POFUT2: variants seen among roughly 807,000 people sequenced by gnomAD.
POFUT2 encodes the protein protein O-fucosyltransferase 2.
A neutral mutation model predicts 55.0 loss-of-function variants in POFUT2; 30 were observed. The ratio of observed to expected loss-of-function variants is 0.55; its 90% CI spans 0.41 to 0.74. The LOEUF (loss-of-function observed/expected upper bound fraction) is 0.74, where lower values mean the gene tolerates loss of function less well. Ranked by LOEUF, POFUT2 falls within the 30% of genes least tolerant of loss-of-function variation. The probability of loss-of-function intolerance (pLI) is 0.00; values close to 1 mark genes in which losing one functional copy is unlikely to be tolerated. For missense variants in POFUT2, 524 were observed against 562.6 expected, an observed-to-expected ratio of 0.93 and a Z score of 0.69; for synonymous variants, 267 against 231.1, an observed-to-expected ratio of 1.16 and a Z score of -1.41.
At position 45,285,772 on chromosome 21, in the gene POFUT2, G is replaced by A. The variant is rs1379470508; in HGVS notation, c.288C>T (p.Asp96=). 7 of 1,613,662 alleles carry A rather than the reference G, an allele frequency of 4.3e-6. No homozygotes were observed. The highest frequency in any genetic ancestry group is 5.9e-6 in the Non-Finnish European group (7 of 1,179,984). ...ACCAGGGAATCCGGACCTGGTGGAT[G>A]TCAGGACTCTGCCAGTGATAGAGGC... ...WGRLYHWQSP[D]IHQVRIPWSE... Residue 96 remains aspartate (D), a synonymous_variant, in exon 2 of 9, where the codon GAC becomes GAT. Transcript: ENST00000349485. The surrounding 1 kb of genome is among the most constrained non-coding windows in gnomAD (Gnocchi z 4.9).
rs1307348379 is a variant in POFUT2, at chr21:45,270,292, G to A, written c.832-273C>T. On this transcript the variant is annotated intron_variant, in intron 6 of 8. Coordinates refer to ENST00000349485, the MANE Select transcript of POFUT2 (RefSeq NM_133635.6). This position sits in a 1 kb window ranked among gnomAD's most constrained non-coding sequence, Gnocchi z 4.6. ...AAGAGAACAGCATGTGGAGGCTCACGCTGTGAACTTTTCCTCCGAGAACCA... is the reference window on the plus strand; with the variant it reads ...AAGAGAACAGCATGTGGAGGCTCACACTGTGAACTTTTCCTCCGAGAACCA... Among the ~76,000 whole-genome samples the A allele has an allele frequency of 2.0e-5, 3 of 152,140 alleles. No homozygotes were observed. Among genetic ancestry groups the A allele is most frequent in the Non-Finnish European group, 2.9e-5 (2 of 68,010 alleles).
At position 45,286,130 on chromosome 21, in the gene POFUT2, C is replaced by T. The variant is rs112187982; in HGVS notation, c.132-202G>A. On this transcript the variant is annotated intron_variant, in intron 1 of 8. Coordinates refer to ENST00000349485, the MANE Select transcript of POFUT2 (RefSeq NM_133635.6). Reference sequence around the variant, plus strand: ...GCAGAAGCAGCAGACATGCTAACATCGTTTTAACAATTAGCAATAGTTCAA... The same window carrying T: ...GCAGAAGCAGCAGACATGCTAACATTGTTTTAACAATTAGCAATAGTTCAA... Among the ~76,000 whole-genome samples the T allele has an allele frequency of 6.5e-3, 997 of 152,290 alleles. 7 individuals are homozygous for T. The highest frequency in any genetic ancestry group is 0.022 in the African/African-American group (932 of 41,548).
intron 6 of POFUT2, among the ~76,000 whole-genome samples, chr21:45,273,772 A>C (rs767785862): frequency 2.0e-5 from 3 of 152,196 alleles, no homozygotes; most frequent in Non-Finnish European, 4.4e-5. Context: ...CATTGCTTTA[A>C]GATTAAAACC....
chr21:45,268,961 C>T lies in POFUT2; in HGVS notation c.1012+878G>A, dbSNP rs1432681657. ...GCCGCCCCGTCCGGGAGGTGAGGGG[C>T]GCCTCTGCCCGGCCGCCCCTACTGG... On this transcript the variant is annotated intron_variant, in intron 7 of 8. Coordinates refer to ENST00000349485, the MANE Select transcript of POFUT2 (RefSeq NM_133635.6). Among the ~76,000 whole-genome samples the T allele has an allele frequency of 1.1e-4, 11 of 100,880 alleles. 1 individual carries two copies. Among genetic ancestry groups the T allele is most frequent in the Admixed American group, 7.8e-4 (9 of 11,506 alleles). 66.2% of individuals were successfully genotyped at this position (100,880 alleles called of 152,430 possible). A position where few individuals can be genotyped will look rare whatever the true frequency, so the allele number is the denominator to read the frequency against.
intron 4 of POFUT2, 45 bp from the exon 5 acceptor site, chr21:45,278,214 A>G: frequency 6.7e-7 from 1 of 1,501,524 alleles, no homozygotes; most frequent in Admixed American, 1.7e-5. Flanking sequence ...AGAGTTAAGG[A>G]TGATGACATT....
intron 6 of POFUT2, among the ~76,000 whole-genome samples, chr21:45,271,025 A>G (rs2093215379): frequency 6.6e-6 from 1 of 152,204 alleles, no homozygotes; most frequent in South Asian, 2.1e-4. Flanking sequence ...GCTCCCCAGC[A>G]ATGGATCCAA....
At position 45,265,872 on chromosome 21, in the gene POFUT2, C is replaced by T. The variant is rs1218513688; in HGVS notation, c.1137-237G>A. 4 of 1,367,886 alleles carry T rather than the reference C, an allele frequency of 2.9e-6. No homozygotes were observed. Among genetic ancestry groups the T allele is most frequent in the Admixed American group, 3.1e-5 (1 of 32,282 alleles). The allele number at this position is 1,367,886 out of a possible 1,614,324, so 84.7% of individuals were successfully genotyped here. A position where few individuals can be genotyped will look rare whatever the true frequency, so the allele number is the denominator to read the frequency against. ...GCCTGGTGCTGCAGCCCCATCCACA[C>T]CCCACAGTCAGCAGCCGCCACGCTC... On this transcript the variant is annotated intron_variant, in intron 8 of 8. Transcript: ENST00000349485. The surrounding 1 kb of genome is among the most constrained non-coding windows in gnomAD (Gnocchi z 4.6).
At position 45,266,847 on chromosome 21, in the gene POFUT2, C is replaced by T. The variant is rs1393604665; in HGVS notation, c.1136+743G>A. The stretch of plus-strand genomic sequence containing the variant: ...GCACAGTGCTAACCACGGGGAAGAT[C>T]ATTCCCTCTACTTTCATTTTCCATT... On this transcript the variant is annotated intron_variant, in intron 8 of 8. Coordinates refer to ENST00000349485, the MANE Select transcript of POFUT2 (RefSeq NM_133635.6). The T allele has an allele frequency of 3.0e-6, 3 of 1,006,624 alleles. No homozygotes were observed. The East Asian group carries it at 3.2e-4, about 106-fold the overall frequency. The allele number at this position is 1,006,624 out of a possible 1,614,324, so 62.4% of individuals were successfully genotyped here. A position where few individuals can be genotyped will look rare whatever the true frequency, so the allele number is the denominator to read the frequency against.
Position 45,279,174 on chromosome 21 carries a change from G to A in POFUT2, c.639-1005C>T, listed in dbSNP as rs995622723. On this transcript the variant is annotated intron_variant, in intron 4 of 8. Coordinates refer to ENST00000349485, the MANE Select transcript of POFUT2 (RefSeq NM_133635.6). Reference sequence around the variant, plus strand: ...TGGGAGGCCAAGGTGGGCGGATCACGAGGTCAGGAGATCGAGACCATCCTG... The same window carrying A: ...TGGGAGGCCAAGGTGGGCGGATCACAAGGTCAGGAGATCGAGACCATCCTG... Among the ~76,000 whole-genome samples, 31 of 148,398 alleles carry A rather than the reference G, an allele frequency of 2.1e-4. No homozygotes were observed. In the South Asian group the frequency reaches 5.7e-3, roughly 27 times the overall value.
Position 45,267,967 on chromosome 21 carries a change from G to GCTCCCTCTCCCTCTCCTT in POFUT2, c.1013-272_1013-255dup, listed in dbSNP as rs1231341931. On this transcript the variant is annotated intron_variant, in intron 7 of 8. Transcript: ENST00000349485. This position sits in a 1 kb window ranked among gnomAD's most constrained non-coding sequence, Gnocchi z 4.4. ...GATCAAGAAGAAAGGAAAGAAACGT[G>GCTCCCTCTCCCTCTCCTT]CTCCCTCTCCCTCTCCTTCTCCCTC... Among the ~76,000 whole-genome samples, 5 of 151,956 alleles carry GCTCCCTCTCCCTCTCCTT rather than the reference G, an allele frequency of 3.3e-5. No individual in the cohort carries two copies. Among genetic ancestry groups the GCTCCCTCTCCCTCTCCTT allele is most frequent in the Admixed American group, 6.5e-5 (1 of 15,276 alleles).
In POFUT2 at chr21:45,284,012, G is replaced by T. The variant is rs2031085495; in HGVS notation, c.383-485C>A. ...GGGACAGAGGCTCAGGTGAGCAGGA[G>T]TCGTGCCTCTTACCCACGGCCCGAC... On this transcript the variant is annotated intron_variant, in intron 2 of 8. Transcript: ENST00000349485. This position sits in a 1 kb window ranked among gnomAD's most constrained non-coding sequence, Gnocchi z 5.8. 6.6e-6 allele frequency among the ~76,000 whole-genome samples: 1 copy of T among 152,224 alleles called. No individual in the cohort carries two copies. Among genetic ancestry groups the T allele is most frequent in the African/African-American group, 2.4e-5 (1 of 41,456 alleles).
At chr21:45,286,830 C>A (rs1034063215) in intron 1 of POFUT2, among the ~76,000 whole-genome samples, 1 of 152,178 alleles carries the variant, frequency 6.6e-6, no homozygotes, top group African/African-American at 2.4e-5. Flanking sequence ...CACGAGGGGC[C>A]GTGCACACCT....
At chr21:45,286,240 TA>T (rs1427392152) in intron 1 of POFUT2, among the ~76,000 whole-genome samples, 3 of 152,210 alleles carry the variant, frequency 2.0e-5, no homozygotes, top group African/African-American at 7.2e-5. Context: ...AAGACCCCTT[TA>T]CACTGGAAAC....
In POFUT2 at chr21:45,280,210, C is replaced by T. The variant is rs116080711; in HGVS notation, c.639-2041G>A. On this transcript the variant is annotated intron_variant, in intron 4 of 8. Coordinates refer to ENST00000349485, the MANE Select transcript of POFUT2 (RefSeq NM_133635.6). The stretch of plus-strand genomic sequence containing the variant: ...TCTGCCCCGTCCTCAGGGGCCTCCC[C>T]GGCATCCTCCCATCTCTCCCTCCGA... 2.2e-3 allele frequency among the ~76,000 whole-genome samples: 342 copies of T among 152,352 alleles called. 2 individuals carry two copies. The highest frequency in any genetic ancestry group is 7.9e-3 in the African/African-American group (330 of 41,576).
intron 3 of POFUT2, 63 bp downstream of exon 3, chr21:45,283,320 G>T: frequency 1.3e-6 from 1 of 798,874 alleles, no homozygotes. Context: ...GGGGGGGGGG[G>T]ACGCATGCGG....
rs540064599 is a variant in POFUT2, at chr21:45,265,823, G to C, written c.1137-188C>G. 2.1e-6 allele frequency: 3 copies of C among 1,407,208 alleles called. No individual in the cohort carries two copies. In the South Asian group the frequency reaches 4.5e-5, roughly 21 times the overall value. The allele number at this position is 1,407,208 out of a possible 1,614,324, so 87.2% of individuals were successfully genotyped here. The stretch of plus-strand genomic sequence containing the variant: ...TGGCACCCCTCGCTCAGGTGCCCTC[G>C]ACATCGGCGCCCTGAGGGGCTCTGC... On this transcript the variant is annotated intron_variant, in intron 8 of 8. Coordinates refer to ENST00000349485, the MANE Select transcript of POFUT2 (RefSeq NM_133635.6). The surrounding 1 kb of genome is among the most constrained non-coding windows in gnomAD (Gnocchi z 4.6).
rs1040473625 is a variant in POFUT2, at chr21:45,270,933, G to A, written c.832-914C>T. ...CCAGATCTTTCCACTGAAGTAGTCT[G>A]CCCAAATGAGAAGCAGGCAGAAAAG... On this transcript the variant is annotated intron_variant, in intron 6 of 8. Coordinates refer to ENST00000349485, the MANE Select transcript of POFUT2 (RefSeq NM_133635.6). The surrounding 1 kb of genome is among the most constrained non-coding windows in gnomAD (Gnocchi z 4.6). Among the ~76,000 whole-genome samples the A allele has an allele frequency of 6.6e-6, 1 of 152,194 alleles. No homozygotes were observed. The highest frequency in any genetic ancestry group is 1.5e-5 in the Non-Finnish European group (1 of 68,032).
chr21:45,282,259 C>T lies in POFUT2; in HGVS notation c.638+90G>A, dbSNP rs73910606. The T allele has an allele frequency of 3.0e-3, 2,579 of 855,556 alleles. 42 individuals carry two copies. In the African/African-American group the frequency reaches 0.034, roughly 11 times the overall value. The allele number at this position is 855,556 out of a possible 1,614,324, so 53.0% of individuals were successfully genotyped here. ...CTGTGAGGTGGGTGGGCCAGGGATG[C>T]GGGAGTATGGGCGGAGAGCCCCCAG... On this transcript the variant is annotated intron_variant, in intron 4 of 8. Transcript: ENST00000349485. The surrounding 1 kb of genome is among the most constrained non-coding windows in gnomAD (Gnocchi z 4.6).
At chr21:45,283,113 G>A (rs1002901861) in intron 3 of POFUT2, among the ~76,000 whole-genome samples, 3 of 151,386 alleles carry the variant, frequency 2.0e-5, no homozygotes, top group African/African-American at 7.3e-5. Flanking sequence ...CCGCAACACT[G>A]TCAGGATGCC....
Sources: allele counts gnomAD v4.1 joint callset (sites outside exome capture counted in the v4.1 genomes callset), GRCh38; gene constraint gnomAD v4.1.1; non-coding constraint Gnocchi (gnomAD v3.1); transcripts MANE v1.5; gene names NCBI Gene and HGNC (gene_info 2026-07-23, HGNC 2026-07-21).